PPM1E: variants seen among roughly 807,000 people sequenced by gnomAD.
PPM1E encodes the protein protein phosphatase 1E.
In PPM1E, 20 loss-of-function variants were observed where a neutral mutation model predicts 65.9. That is an observed-to-expected ratio of 0.30 (90% confidence interval 0.21 to 0.44). PPM1E has a LOEUF of 0.44. PPM1E is among the 20% of genes least tolerant of loss of function. The pLI is 1.00. For missense variants in PPM1E, 713 were observed against 953.1 expected, an observed-to-expected ratio of 0.75 and a Z score of 3.32; for synonymous variants, 352 against 374.9, an observed-to-expected ratio of 0.94 and a Z score of 0.70.
intron 1 of PPM1E, among the ~76,000 whole-genome samples, chr17:58,783,479 G>T (rs529771053): frequency 6.6e-5 from 10 of 152,268 alleles, no homozygotes; most frequent in African/African-American, 2.4e-4. Context: ...GGTTGGTTAG[G>T]CCTGGACTTG....
chr17:58,910,039 A>G (rs564024477), intron 1 of PPM1E, among the ~76,000 whole-genome samples: 10 of 145,122 alleles, frequency 6.9e-5, no homozygotes, highest in African/African-American at 1.8e-4. Flanking sequence ...ACTAGCTGGG[A>G]TTATAGGTGC....
chr17:58,953,797 G>T (rs1456889060), intron 1 of PPM1E, among the ~76,000 whole-genome samples: 5 of 140,348 alleles, frequency 3.6e-5, no homozygotes, highest in African/African-American at 1.1e-4. Flanking sequence ...GCCCAGGCTA[G>T]AGTGCAATGG....
intron 1 of PPM1E, among the ~76,000 whole-genome samples, chr17:58,868,341 A>G (rs933507927): frequency 2.6e-5 from 4 of 151,994 alleles, no homozygotes; most frequent in East Asian, 3.9e-4. Flanking sequence ...AAACAAAAAC[A>G]ACGTAGGCCC....
chr17:58,785,058 G>A (rs1054687660), intron 1 of PPM1E, among the ~76,000 whole-genome samples: 7 of 151,968 alleles, frequency 4.6e-5, no homozygotes, highest in African/African-American at 1.2e-4. Flanking sequence ...CCAATCCAAG[G>A]TCATGAAGAT....
chr17:58,935,622 A>T (rs2051969684), intron 1 of PPM1E, among the ~76,000 whole-genome samples: 1 of 152,176 alleles, frequency 6.6e-6, no homozygotes, highest in African/African-American at 2.4e-5. Flanking sequence ...GATAGTTACC[A>T]CTAAGCCCTC....
chr17:58,910,890 T>G (rs2051619699), intron 1 of PPM1E, among the ~76,000 whole-genome samples: 1 of 152,184 alleles, frequency 6.6e-6, no homozygotes, highest in African/African-American at 2.4e-5. Context: ...AAGAGGGTGC[T>G]CTGCCGCATT....
chr17:58,869,349 G>A (rs188291043), intron 1 of PPM1E, among the ~76,000 whole-genome samples: 20 of 152,288 alleles, frequency 1.3e-4, no homozygotes, highest in Admixed American at 7.2e-4. Context: ...GATCCCCAGC[G>A]TTGGAGGGAC....
chr17:58,908,390 T>C (rs2051583949), intron 1 of PPM1E, among the ~76,000 whole-genome samples: 1 of 151,886 alleles, frequency 6.6e-6, no homozygotes, highest in Non-Finnish European at 1.5e-5. Context: ...TTTAATTTAA[T>C]ATTTTATGCT....
At chr17:58,909,924 C>CTTTTTTCT (rs2051604701) in intron 1 of PPM1E, among the ~76,000 whole-genome samples, 1 of 90,038 alleles carries the variant, frequency 1.1e-5, no homozygotes, top group Non-Finnish European at 2.1e-5. Flanking sequence ...TTTTCTTTTT[C>CTTTTTTCT]TTTTTTTTTT....
In PPM1E at chr17:58,756,275, T is replaced by C. The variant is rs1247956543; in HGVS notation, c.278T>C (p.Val93Ala). 14 of 1,547,008 alleles carry C rather than the reference T, an allele frequency of 9.0e-6. No individual in the cohort carries two copies. The highest frequency in any genetic ancestry group is 1.2e-5 in the Non-Finnish European group (14 of 1,145,596). The change falls in exon 1 of 7, where the codon GTT becomes GCT. Residue 93 changes from valine (V) to alanine (A), a missense_variant. Physicochemically the swap from Val to Ala is moderately conservative, Grantham distance 64 (BLOSUM62 0). Around this residue, in one of 6 missense-constraint regions of PPM1E, gnomAD observed 212 missense variants for 204.0 expected, o/e 1.04. Coordinates refer to ENST00000308249, the MANE Select transcript of PPM1E (RefSeq NM_014906.5). ...QDPEPEEEAA[V>A]EGEEEEEGAA... ...CCGGAGCCCGAGGAGGAGGCGGCGG[T>C]TGAGGGTGAGGAGGAGGAGGAGGGC...
intron 3 of PPM1E, 83 bp from the exon 4 acceptor site, chr17:58,969,456 G>C: frequency 1.5e-6 from 2 of 1,308,370 alleles, no homozygotes; most frequent in Non-Finnish European, 2.2e-6. Context: ...GAGAAAGGAT[G>C]GGCAACAATG....
intron 1 of PPM1E, among the ~76,000 whole-genome samples, chr17:58,787,605 G>A (rs967175482): frequency 1.3e-5 from 2 of 151,894 alleles, no homozygotes; most frequent in African/African-American, 4.8e-5. Context: ...TTTCACTTAT[G>A]AGTACTTTAG....
At chr17:58,880,191 GTT>G (rs948283348) in intron 1 of PPM1E, among the ~76,000 whole-genome samples, 9 of 152,160 alleles carry the variant, frequency 5.9e-5, no homozygotes, top group Admixed American at 2.6e-4. Context: ...GGATAAGGAT[GTT>G]TTATTCCTTT....
intron 1 of PPM1E, among the ~76,000 whole-genome samples, chr17:58,802,742 T>C (rs1203766484): frequency 6.6e-6 from 1 of 152,180 alleles, no homozygotes; most frequent in Non-Finnish European, 1.5e-5. Flanking sequence ...ATTCAGATAT[T>C]TCACCTCTTT....
chr17:58,878,503 C>T (rs1285240615), intron 1 of PPM1E, among the ~76,000 whole-genome samples: 3 of 151,766 alleles, frequency 2.0e-5, no homozygotes, highest in African/African-American at 7.3e-5. Flanking sequence ...CTTGGCCTCC[C>T]AAAGTGCTGG....
At chr17:58,961,322 A>G (rs1034473675) in intron 2 of PPM1E, among the ~76,000 whole-genome samples, 1 of 152,220 alleles carries the variant, frequency 6.6e-6, no homozygotes, top group African/African-American at 2.4e-5. Flanking sequence ...GCTATCTGCT[A>G]GGTACTATAC....
intron 1 of PPM1E, among the ~76,000 whole-genome samples, chr17:58,765,617 T>G (rs558813423): frequency 6.6e-4 from 100 of 152,264 alleles, no homozygotes; most frequent in Middle Eastern, 3.4e-3. Flanking sequence ...TCATGTATAT[T>G]TTCACTGAAT....
intron 1 of PPM1E, among the ~76,000 whole-genome samples, chr17:58,910,202 A>T (rs1265663474): frequency 6.6e-6 from 1 of 150,756 alleles, no homozygotes; most frequent in Non-Finnish European, 1.5e-5. Flanking sequence ...TTCAGTCCTT[A>T]TTTGCTTTTC....
intron 1 of PPM1E, among the ~76,000 whole-genome samples, chr17:58,894,775 T>C (rs546872099): frequency 3.9e-5 from 6 of 152,280 alleles, no homozygotes; most frequent in African/African-American, 1.4e-4. Context: ...TCCTTATTCT[T>C]TTTACAACTT....
Sources: gnomAD v4.1 joint callset for allele counts (sites outside exome capture counted in the v4.1 genomes callset) on GRCh38, gnomAD v4.1.1 for gene constraint, gnomAD v4.1.1 regional missense constraint, MANE v1.5 for transcripts, NCBI Gene and HGNC (gene_info 2026-07-23, HGNC 2026-07-21) for gene names.